Variants in PARM1 observed in about 807,000 individuals in gnomAD.
The protein encoded by PARM1 is prostate androgen-regulated mucin-like protein 1, also known as WSC4, cell wall integrity and stress response component 4 homolog.
PARM1 carries 14 observed loss-of-function variants against 24.6 expected under a neutral mutation model. That is an observed-to-expected ratio of 0.57 (90% confidence interval 0.38 to 0.89). PARM1 has a LOEUF of 0.89. PARM1 is among the 40% of genes least tolerant of loss of function. PARM1 has a pLI of 0.00. For synonymous variants in PARM1, 179 were observed against 156.6 expected (o/e 1.14, Z -1.07); for missense variants, 362 against 380.4 (o/e 0.95, Z 0.40).
intron 1 of PARM1, among the ~76,000 whole-genome samples, chr4:74,987,521 A>G (rs1301123237): frequency 6.6e-6 from 1 of 152,224 alleles, no homozygotes; most frequent in Admixed American, 6.5e-5. Context: ...AAGTAAAATT[A>G]TTTGTAAAAA....
intron 3 of PARM1, among the ~76,000 whole-genome samples, chr4:75,045,865 A>G (rs1425454625): frequency 6.6e-6 from 1 of 152,210 alleles, no homozygotes; most frequent in Admixed American, 6.5e-5. Flanking sequence ...TTATTAAATT[A>G]CTATGGAAAT....
At chr4:74,977,853 A>G (rs1722169044) in intron 1 of PARM1, among the ~76,000 whole-genome samples, 1 of 152,226 alleles carries the variant, frequency 6.6e-6, no homozygotes, top group Non-Finnish European at 1.5e-5. Flanking sequence ...AGAATTTCAT[A>G]TCAGGCCAAA....
chr4:74,989,445 A>C (rs952254836), intron 1 of PARM1, among the ~76,000 whole-genome samples: 4 of 152,204 alleles, frequency 2.6e-5, no homozygotes, highest in African/African-American at 7.2e-5. Context: ...GATACAGATG[A>C]ACAGCCAAAT....
rs28542619 is a variant in PARM1, at chr4:74,947,661, C to T, written c.43+14291C>T. ...TACTATTTTATTTATAGAAGAAATGCTATGATGCTTAGTATTTACTTCAAA... is the reference window on the plus strand; with the variant it reads ...TACTATTTTATTTATAGAAGAAATGTTATGATGCTTAGTATTTACTTCAAA... On this transcript the variant is annotated intron_variant, in intron 1 of 3. Transcript: ENST00000307428. Among the ~76,000 whole-genome samples, 352 of 152,134 alleles carry T rather than the reference C, an allele frequency of 2.3e-3. 2 individuals carry two copies. The highest frequency in any genetic ancestry group is 7.8e-3 in the African/African-American group (323 of 41,490).
At chr4:74,945,180 T>A (rs1260037053) in intron 1 of PARM1, among the ~76,000 whole-genome samples, 2 of 152,226 alleles carry the variant, frequency 1.3e-5, no homozygotes, top group Non-Finnish European at 2.9e-5. Context: ...ATTAAATGTA[T>A]GTTGTGTGCG....
At position 75,012,589 on chromosome 4, in the gene PARM1, G is replaced by C. The variant is rs1315757581; in HGVS notation, c.208G>C (p.Ala70Pro). Residue 70 changes from alanine (A) to proline (P), a missense_variant, in exon 2 of 4, where the codon GCA becomes CCA. Transcript: ENST00000307428. ...THNNSVLPVT[A>P]SAPTSLLPKN... Reference sequence around the variant, plus strand: ...CAACAACTCGGTGCTCCCAGTTACAGCATCAGCCCCAACATCTCTGCTTCC... The same window carrying C: ...CAACAACTCGGTGCTCCCAGTTACACCATCAGCCCCAACATCTCTGCTTCC... 2.5e-6 allele frequency: 4 copies of C among 1,613,938 alleles called. No individual in the cohort carries two copies. Among genetic ancestry groups the C allele is most frequent in the Non-Finnish European group, 3.4e-6 (4 of 1,179,890 alleles).
At chr4:74,981,320 CTTT>C (rs1722250828) in intron 1 of PARM1, among the ~76,000 whole-genome samples, 1 of 152,042 alleles carries the variant, frequency 6.6e-6, no homozygotes, top group African/African-American at 2.4e-5. Flanking sequence ...GCATATACTT[CTTT>C]AAGACATTTA....
chr4:74,951,102 G>A (rs140509883), intron 1 of PARM1, among the ~76,000 whole-genome samples: 2 of 152,334 alleles, frequency 1.3e-5, no homozygotes, highest in African/African-American at 2.4e-5. Flanking sequence ...AATAGCAGCC[G>A]TTCTGGTAAC....
intron 1 of PARM1, among the ~76,000 whole-genome samples, chr4:74,998,783 G>T (rs1185905997): frequency 6.6e-6 from 1 of 152,128 alleles, no homozygotes; most frequent in East Asian, 1.9e-4. Flanking sequence ...TCTTTATTCA[G>T]GGAAAGAATG....
intron 1 of PARM1, among the ~76,000 whole-genome samples, chr4:75,001,679 A>G (rs1722682661): frequency 6.6e-6 from 1 of 152,202 alleles, no homozygotes. Context: ...ATACCCATTC[A>G]TGCTGACTGG....
intron 1 of PARM1, among the ~76,000 whole-genome samples, chr4:74,935,088 G>A (rs530751083): frequency 7.0e-4 from 106 of 150,852 alleles, no homozygotes; most frequent in Non-Finnish European, 1.4e-3. Flanking sequence ...CCGCTAGAGC[G>A]AGGAGACTGG....
intron 3 of PARM1, among the ~76,000 whole-genome samples, chr4:75,040,714 C>A (rs1438403019): frequency 6.6e-6 from 1 of 152,170 alleles, no homozygotes; most frequent in East Asian, 1.9e-4. Flanking sequence ...TACGGGAAAT[C>A]TTTGTACTAT....
chr4:74,999,089 G>T (rs958895231), intron 1 of PARM1: 2 of 152,284 alleles, frequency 1.3e-5, no homozygotes, highest in Non-Finnish European at 2.9e-5. Context: ...GCCAGATGGA[G>T]ACTTCAGAGA....
chr4:74,974,567 C>T (rs553466624), intron 1 of PARM1, among the ~76,000 whole-genome samples: 4 of 152,078 alleles, frequency 2.6e-5, no homozygotes, highest in Non-Finnish European at 5.9e-5. Context: ...GGTTTGTTAC[C>T]ATAGAATGTG....
intron 1 of PARM1, among the ~76,000 whole-genome samples, chr4:74,988,327 A>G (rs1722397723): frequency 6.6e-6 from 1 of 152,198 alleles, no homozygotes. Context: ...TGTTTATACA[A>G]TGGACACATT....
chr4:75,018,508 G>A (rs1247833274), intron 2 of PARM1, among the ~76,000 whole-genome samples: 1 of 152,174 alleles, frequency 6.6e-6, no homozygotes, highest in African/African-American at 2.4e-5. Flanking sequence ...TGCACTGATA[G>A]TAGGCACGTC....
chr4:74,944,641 G>A (rs1306724503), intron 1 of PARM1, among the ~76,000 whole-genome samples: 2 of 152,326 alleles, frequency 1.3e-5, no homozygotes, highest in East Asian at 3.9e-4. Flanking sequence ...ATCAGCAAGA[G>A]TAGGCAGGCT....
chr4:75,024,952 C>T (rs757716679), intron 2 of PARM1, among the ~76,000 whole-genome samples: 7 of 152,230 alleles, frequency 4.6e-5, no homozygotes, highest in Non-Finnish European at 1.0e-4. Context: ...GCCTTGGTCT[C>T]CCAAAGTGCC....
chr4:74,937,998 A>G (rs1378899580), intron 1 of PARM1, among the ~76,000 whole-genome samples: 1 of 152,230 alleles, frequency 6.6e-6, no homozygotes, highest in Admixed American at 6.5e-5. Context: ...GGTGTGTTTC[A>G]AAAACTCAAC....
Sources: allele counts gnomAD v4.1 joint callset (sites outside exome capture counted in the v4.1 genomes callset), GRCh38; gene constraint gnomAD v4.1.1; transcripts MANE v1.5; gene names NCBI Gene and HGNC (gene_info 2026-07-23, HGNC 2026-07-21).